ZNF469: variants seen among roughly 807,000 people sequenced by gnomAD.
ZNF469 encodes the protein zinc finger protein 469.
In ZNF469, 1 loss-of-function variant was observed where a neutral mutation model predicts 1.0. The observed-to-expected ratio is 1.00, with a 90% CI of 0.35 to 4.73. The LOEUF (loss-of-function observed/expected upper bound fraction) is 4.73. Among genes scored for constraint, ZNF469 ranks in the 30% most tolerant of loss-of-function variants. The pLI, the probability that ZNF469 is intolerant of heterozygous loss-of-function variation, is 0.16. For missense variants in ZNF469, 6,100 were observed against 5,356.3 expected (o/e 1.14, Z -4.33); for synonymous variants, 2,703 against 2,363.4 (o/e 1.14, Z -4.17).
At chr16:88,338,118 A>G in the ZNF469 span, among the ~76,000 whole-genome samples, 1 of 132,384 alleles carries the variant, frequency 7.6e-6, no homozygotes, top group Admixed American at 7.2e-5. Context: ...CCCATGGCCC[A>G]TGGGCAAACT....
At chr16:88,134,991 C>T in the ZNF469 span, among the ~76,000 whole-genome samples, 1,283 of 152,330 alleles carry the variant, frequency 8.4e-3, 26 homozygotes, top group African/African-American at 0.03. Flanking sequence ...AGTCCCCAGG[C>T]CGCTCCTCCC....
the ZNF469 span, among the ~76,000 whole-genome samples, chr16:88,336,914 C>G: frequency 6.6e-6 from 1 of 152,224 alleles, no homozygotes; most frequent in East Asian, 1.9e-4. Context: ...CTCTGCTCTT[C>G]TGGGCATTTC....
chr16:88,378,537 C>G (rs1236705955), upstream of ZNF469, among the ~76,000 whole-genome samples: 1 of 152,212 alleles, frequency 6.6e-6, no homozygotes, highest in African/African-American at 2.4e-5. Flanking sequence ...CAGAGGCCGT[C>G]CAGATGGGCT....
chr16:88,385,596 T>G (rs973669718), intron 1 of ZNF469, among the ~76,000 whole-genome samples: 11 of 149,966 alleles, frequency 7.3e-5, no homozygotes, highest in Non-Finnish European at 1.5e-4. Context: ...TTAATGATGA[T>G]CGTGCCACCG....
the ZNF469 span, among the ~76,000 whole-genome samples, chr16:88,199,310 G>A: frequency 1.3e-5 from 2 of 152,354 alleles, no homozygotes; most frequent in South Asian, 4.1e-4. Context: ...GCTCATCAGA[G>A]AGGTGACTTT....
the ZNF469 span, among the ~76,000 whole-genome samples, chr16:88,376,351 C>G: frequency 6.6e-6 from 1 of 152,256 alleles, no homozygotes. Context: ...GACTCCTTCA[C>G]ACAGCCGGGC....
In ZNF469 at chr16:88,433,249, C is replaced by G. The variant is rs537085488; in HGVS notation, c.5779C>G (p.Pro1927Ala). 4 of 1,550,114 alleles carry G rather than the reference C, an allele frequency of 2.6e-6. No individual in the cohort carries two copies. The highest frequency in any genetic ancestry group is 1.4e-5 in the African/African-American group (1 of 73,008). ...DGILGLQELTPAAQSPPRVNP... is the reference protein window; with the variant it reads ...DGILGLQELTAAAQSPPRVNP... ...CATCCTGGGCTTGCAGGAGCTGACA[C>G]CTGCTGCCCAGAGCCCTCCACGAGT... Residue 1927 changes from proline (P) to alanine (A), a missense_variant, in exon 3 of 3, where the codon CCT becomes GCT. Pro to Ala is a conservative substitution (Grantham distance 27). Transcript: ENST00000565624.
At chr16:88,191,172 G>A in the ZNF469 span, among the ~76,000 whole-genome samples, 1 of 151,788 alleles carries the variant, frequency 6.6e-6, no homozygotes. Context: ...TTTTGTTTGT[G>A]TGGGTTATTT....
At chr16:88,379,230 A>T (rs544831903), upstream of ZNF469, among the ~76,000 whole-genome samples, 7 of 152,284 alleles carry the variant, frequency 4.6e-5, no homozygotes, top group African/African-American at 1.4e-4. Context: ...TCTGGGCAGC[A>T]TGTGGGCTTG....
chr16:88,387,332 TGGTCTGGGTTCACCA>T (rs1361641673), intron 1 of ZNF469, among the ~76,000 whole-genome samples: 1 of 152,072 alleles, frequency 6.6e-6, no homozygotes, highest in East Asian at 1.9e-4. Context: ...TCTCCCCCCT[TGGTCTGGGTTCACCA>T]GGCTGGCTTC....
chr16:88,428,130 G>C lies in ZNF469; in HGVS notation c.660G>C (p.Gln220His), dbSNP rs965207266. 2.5e-5 allele frequency: 39 copies of C among 1,549,902 alleles called. No individual in the cohort carries two copies. The highest frequency in any genetic ancestry group is 3.1e-5 in the Non-Finnish European group (35 of 1,146,864). Residue 220 changes from glutamine to histidine, a missense_variant, in exon 3 of 3, where the codon CAG (glutamine) becomes CAC (histidine). By Grantham distance (24) the Gln-to-His change is conservative. Transcript: ENST00000565624. Reference sequence around the variant, plus strand: ...AGAGCAGGGGCACCAGCCCCCTCCAGCCCGGTTCCTATCCCGAATACCAGG... The same window carrying C: ...AGAGCAGGGGCACCAGCCCCCTCCACCCCGGTTCCTATCCCGAATACCAGG... ...PPQSRGTSPLQPGSYPEYQAS... is the reference protein window; with the variant it reads ...PPQSRGTSPLHPGSYPEYQAS...
the ZNF469 span, among the ~76,000 whole-genome samples, chr16:88,159,337 CTG>C: frequency 6.6e-6 from 1 of 152,158 alleles, no homozygotes; most frequent in Non-Finnish European, 1.5e-5. Context: ...GCGATTGTGC[CTG>C]TGTGTGTCCC....
the ZNF469 span, among the ~76,000 whole-genome samples, chr16:88,321,036 T>A: frequency 7.2e-5 from 11 of 152,342 alleles, no homozygotes; most frequent in African/African-American, 2.4e-4. Flanking sequence ...TATGAAATGT[T>A]GGGGTCAGGG....
intron 1 of ZNF469, among the ~76,000 whole-genome samples, chr16:88,397,639 G>A (rs74426081): frequency 0.027 from 3,530 of 130,498 alleles, 72 homozygotes; most frequent in African/African-American, 0.05. Flanking sequence ...ATGGATGGAT[G>A]GATGGATATA....
the ZNF469 span, among the ~76,000 whole-genome samples, chr16:88,225,429 T>C: frequency 2.6e-5 from 4 of 152,322 alleles, no homozygotes; most frequent in African/African-American, 7.2e-5. Context: ...AGGCCCCCTT[T>C]CTAATCGCCA....
the ZNF469 span, among the ~76,000 whole-genome samples, chr16:88,367,032 T>A: frequency 6.6e-6 from 1 of 152,240 alleles, no homozygotes; most frequent in South Asian, 2.1e-4. Flanking sequence ...ACCAACATCA[T>A]CACCATTGTC....
At chr16:88,172,095 A>C in the ZNF469 span, among the ~76,000 whole-genome samples, 2 of 152,216 alleles carry the variant, frequency 1.3e-5, no homozygotes, top group Non-Finnish European at 2.9e-5. Flanking sequence ...CATCTCACTG[A>C]GTAGAGGAGA....
At chr16:88,299,776 G>A in the ZNF469 span, among the ~76,000 whole-genome samples, 409 of 152,294 alleles carry the variant, frequency 2.7e-3, 1 homozygote, top group African/African-American at 9.4e-3. Flanking sequence ...CACTTCCCTG[G>A]GCAAGACAGG....
intron 1 of ZNF469, among the ~76,000 whole-genome samples, chr16:88,420,891 G>T (rs879492180): frequency 6.6e-6 from 1 of 152,236 alleles, no homozygotes; most frequent in Non-Finnish European, 1.5e-5. Flanking sequence ...AAGCCCAGGT[G>T]GGGCTGGCCC....
Sources: gnomAD v4.1 joint callset for allele counts (sites outside exome capture counted in the v4.1 genomes callset) on GRCh38, gnomAD v4.1.1 for gene constraint, MANE v1.5 for transcripts, NCBI Gene and HGNC (gene_info 2026-07-23, HGNC 2026-07-21) for gene names.